Variants in PRRT3 observed in about 807,000 individuals in gnomAD.
The protein encoded by PRRT3 is proline rich transmembrane protein 3.
In PRRT3, 48 loss-of-function variants were observed where a neutral mutation model predicts 56.6. The observed-to-expected ratio is 0.85, with a 90% CI of 0.67 to 1.08. The LOEUF (loss-of-function observed/expected upper bound fraction) is 1.08. Ranked by LOEUF, PRRT3 falls within the 50% of genes least tolerant of loss-of-function variation. The probability of loss-of-function intolerance (pLI) is 0.00; values close to 1 mark genes in which losing one functional copy is unlikely to be tolerated. For missense variants in PRRT3, 1,370 were observed against 1,353.1 expected, an observed-to-expected ratio of 1.01 and a Z score of -0.20; for synonymous variants, 641 against 619.1, an observed-to-expected ratio of 1.04 and a Z score of -0.52.
rs1337423741 is a variant in PRRT3 at position 9,947,370 on chromosome 3, C to T, written c.1803G>A (p.Thr601=). 2 of 1,611,708 alleles carry T rather than the reference C, an allele frequency of 1.2e-6. No homozygotes were observed. Among genetic ancestry groups the T allele is most frequent in the Non-Finnish European group, 1.7e-6 (2 of 1,179,404 alleles). ...LSTWSVLNLL[T]QGLSCAWGAA... is the part of the protein sequence containing the mutation. ...CGCCCCAGGCGCACGACAAGCCCTG[C>T]GTCAGGAGGTTGAGCACAGACCATG... The change falls in exon 4 of 4, where the codon ACG becomes ACA. Residue 601 remains threonine, a synonymous_variant. Coordinates refer to ENST00000412055, the MANE Select transcript of PRRT3 (RefSeq NM_207351.5). The surrounding 1 kb of genome is among the most constrained non-coding windows in gnomAD (Gnocchi z 9.2).
rs1302525565 is a variant in PRRT3 at position 9,946,438 on chromosome 3, A to C, written c.2735T>G (p.Leu912Arg). 2 of 1,593,556 alleles carry C rather than the reference A, an allele frequency of 1.3e-6. No homozygotes were observed. Among genetic ancestry groups the C allele is most frequent in the Non-Finnish European group, 1.7e-6 (2 of 1,170,406 alleles). The change falls in exon 4 of 4, where the codon CTC becomes CGC. Residue 912 changes from leucine (L) to arginine (R), a missense_variant. Physicochemically the swap from Leu to Arg is moderately radical, Grantham distance 102 (BLOSUM62 -2). Coordinates refer to ENST00000412055, the MANE Select transcript of PRRT3 (RefSeq NM_207351.5). This position sits in a 1 kb window ranked among gnomAD's most constrained non-coding sequence, Gnocchi z 4.1. Reference sequence around the variant, plus strand: ...GCGCCAGGGGTTCCAACTGATCTTGAGTGAACCCCTGGAGAAGCTGTCGAG... The same window carrying C: ...GCGCCAGGGGTTCCAACTGATCTTGCGTGAACCCCTGGAGAAGCTGTCGAG... ...SSLDSFSRGS[L>R]KISWNPWRHG...
intron 3 of PRRT3, 193 bp downstream of exon 3, chr3:9,948,565 A>G (rs1030920288): frequency 1.5e-6 from 1 of 650,458 alleles, no homozygotes; most frequent in African/African-American, 1.8e-5. Flanking sequence ...AAAAGGGCAA[A>G]TGACTTCTCC....
chr3:9,948,990 A>T (rs1395735600), intron 2 of PRRT3, 77 bp from the exon 3 acceptor site: 1 of 1,517,550 alleles, frequency 6.6e-7, no homozygotes, highest in Non-Finnish European at 8.8e-7. Context: ...AGTCACAATC[A>T]ACCTCATTTG....
In PRRT3 at chr3:9,949,703, T is replaced by C. The variant is rs1431774571; in HGVS notation, c.413A>G (p.Gln138Arg). Reference sequence around the variant, plus strand: ...TGGGTGGGGAGCCACTGCTTCTTGCTGCAGAAGCTCTTGTGAGTCCAGAGG... The same window carrying C: ...TGGGTGGGGAGCCACTGCTTCTTGCCGCAGAAGCTCTTGTGAGTCCAGAGG... Reference protein sequence around the residue: ...TGPLDSQELLQQEAVAPHPVG... With the variant: ...TGPLDSQELLRQEAVAPHPVG... Residue 138 changes from glutamine (Q) to arginine (R), a missense_variant, in exon 2 of 4, where the codon CAG becomes CGG. Coordinates refer to ENST00000412055, the MANE Select transcript of PRRT3 (RefSeq NM_207351.5). This position sits in a 1 kb window ranked among gnomAD's most constrained non-coding sequence, Gnocchi z 4.5. 1 of 1,614,094 alleles carries C rather than the reference T, an allele frequency of 6.2e-7. No individual in the cohort carries two copies. Among genetic ancestry groups the C allele is most frequent in the Admixed American group, 1.7e-5 (1 of 60,026 alleles).
At chr3:9,948,122 G>A in intron 3 of PRRT3, 121 bp from the exon 4 acceptor site, 2 of 1,058,132 alleles carry the variant, frequency 1.9e-6, no homozygotes, top group African/African-American at 3.3e-5. Flanking sequence ...GGAGATAACA[G>A]CACCTGCCTC....
chr3:9,949,423 T>C lies in PRRT3; in HGVS notation c.693A>G (p.Glu231=), dbSNP rs1363458458. 2.5e-6 allele frequency: 4 copies of C among 1,614,082 alleles called. No individual in the cohort carries two copies. The highest frequency in any genetic ancestry group is 4.5e-5 in the East Asian group (2 of 44,874). The change falls in exon 2 of 4, where the codon GAA becomes GAG. Residue 231 remains glutamate (E), a synonymous_variant. Transcript: ENST00000412055. This position sits in a 1 kb window ranked among gnomAD's most constrained non-coding sequence, Gnocchi z 4.5. ...PVLEGQGGFE[E]HLQEAAQGPH... ...GACCTTGAGCTGCCTCCTGCAAGTG[T>C]TCCTCAAACCCACCCTGTCCTTCCA... is the stretch of plus-strand genomic sequence containing the variant.
rs757459789 is a variant in PRRT3 at position 9,946,421 on chromosome 3, G to C, written c.2752C>G (p.Pro918Ala). ...SRGSLKISWNPWRHGLSSVDS... is the reference protein window; with the variant it reads ...SRGSLKISWNAWRHGLSSVDS... ...ACTGATGACAGCCCGTGGCGCCAGG[G>C]GTTCCAACTGATCTTGAGTGAACCC... Residue 918 changes from proline (P) to alanine (A), a missense_variant, in exon 4 of 4, where the codon CCC (proline) becomes GCC (alanine). Physicochemically the swap from Pro to Ala is conservative, Grantham distance 27. Coordinates refer to ENST00000412055, the MANE Select transcript of PRRT3 (RefSeq NM_207351.5). This position sits in a 1 kb window ranked among gnomAD's most constrained non-coding sequence, Gnocchi z 4.1. 1.2e-6 allele frequency: 2 copies of C among 1,603,900 alleles called. No homozygotes were observed. The highest frequency in any genetic ancestry group is 2.2e-5 in the South Asian group (2 of 89,952).
Position 9,946,725 on chromosome 3 carries a change from G to C in PRRT3, c.2448C>G (p.Ile816Met). ...GGTGCTCGCGGAAGAGCGCGGCGTC[G>C]ATGCTGCGGCTCAGGTTGATGGGCG... Reference protein sequence around the residue: ...PPSPINLSRSIDAALFREHLV... With the variant: ...PPSPINLSRSMDAALFREHLV... Residue 816 changes from isoleucine to methionine, a missense_variant, in exon 4 of 4, where the codon ATC (isoleucine) becomes ATG (methionine). Coordinates refer to ENST00000412055, the MANE Select transcript of PRRT3 (RefSeq NM_207351.5). The surrounding 1 kb of genome is among the most constrained non-coding windows in gnomAD (Gnocchi z 4.1). 1.3e-6 allele frequency: 2 copies of C among 1,496,122 alleles called. No individual in the cohort carries two copies. Among genetic ancestry groups the C allele is most frequent in the South Asian group, 1.3e-5 (1 of 74,868 alleles). The allele number at this position is 1,496,122 out of a possible 1,614,324, so 92.7% of individuals were successfully genotyped here. A position where few individuals can be genotyped will look rare whatever the true frequency, so the allele number is the denominator to read the frequency against.
chr3:9,948,813 T>C lies in PRRT3; in HGVS notation c.1116A>G (p.Ser372=). 1 of 1,613,846 alleles carries C rather than the reference T, an allele frequency of 6.2e-7. No individual in the cohort carries two copies. Among genetic ancestry groups the C allele is most frequent in the Non-Finnish European group, 8.5e-7 (1 of 1,179,914 alleles). The change falls in exon 3 of 4, where the codon TCA becomes TCG. Residue 372 remains serine, a synonymous_variant. Transcript: ENST00000412055. Reference sequence around the variant, plus strand: ...TTCGGTTTACAGCTGGGCCAGGGTCTGAGGGACCAGGGATGAGAGACTTGG... The same window carrying C: ...TTCGGTTTACAGCTGGGCCAGGGTCCGAGGGACCAGGGATGAGAGACTTGG... ...GTPKSLIPGP[S]DPGPAVNRTE...
chr3:9,946,720 G>C lies in PRRT3; in HGVS notation c.2453C>G (p.Ala818Gly), dbSNP rs755384158. ...SPINLSRSID[A>G]ALFREHLVRD... is the part of the protein sequence containing the mutation. ...CACTAGGTGCTCGCGGAAGAGCGCG[G>C]CGTCGATGCTGCGGCTCAGGTTGAT... The change falls in exon 4 of 4, where the codon GCC becomes GGC. Residue 818 changes from alanine (A) to glycine (G), a missense_variant. Ala to Gly is a moderately conservative substitution (Grantham distance 60). Coordinates refer to ENST00000412055, the MANE Select transcript of PRRT3 (RefSeq NM_207351.5). This position sits in a 1 kb window ranked among gnomAD's most constrained non-coding sequence, Gnocchi z 4.1. The C allele has an allele frequency of 6.7e-7, 1 of 1,490,956 alleles. No individual in the cohort carries two copies. The highest frequency in any genetic ancestry group is 2.4e-5 in the East Asian group (1 of 41,774). The allele number at this position is 1,490,956 out of a possible 1,614,324, so 92.4% of individuals were successfully genotyped here.
Position 9,949,786 on chromosome 3 carries a change from G to T in PRRT3, c.330C>A (p.Leu110=), listed in dbSNP as rs1266521584. The change falls in exon 2 of 4, where the codon CTC becomes CTA. Residue 110 remains leucine, a synonymous_variant. Transcript: ENST00000412055. This position sits in a 1 kb window ranked among gnomAD's most constrained non-coding sequence, Gnocchi z 4.5. ...KAAQGAQRER[L]PVTDDLQMAQ... ...CCATCTGGAGGTCATCAGTTACTGG[G>T]AGTCGTTCTCTCTGAGCTCCTTGTG... 5.6e-6 allele frequency: 9 copies of T among 1,614,082 alleles called. No individual in the cohort carries two copies. Among genetic ancestry groups the T allele is most frequent in the African/African-American group, 1.3e-5 (1 of 74,930 alleles).
Position 9,945,954 on chromosome 3 carries a change from C to T in PRRT3, c.*273G>A. 6.0e-6 allele frequency: 2 copies of T among 330,678 alleles called. No individual in the cohort carries two copies. The highest frequency in any genetic ancestry group is 1.1e-5 in the Non-Finnish European group (2 of 180,538). The allele number at this position is 330,678 out of a possible 1,614,324, so 20.5% of individuals were successfully genotyped here. A position where few individuals can be genotyped will look rare whatever the true frequency, so the allele number is the denominator to read the frequency against. On this transcript the variant is annotated 3_prime_UTR_variant, in exon 4 of 4. Transcript: ENST00000412055. ...GTTCAAGCAATTCTCCCGCCTCAGC[C>T]TCCCGAGTAGCTGGGACTACAGGCG...
Position 9,946,802 on chromosome 3 carries a change from TG to T in PRRT3, c.2370del (p.Asn791ThrfsTer9). On this transcript the variant is annotated frameshift_variant, in exon 4 of 4. Transcript: ENST00000412055. LOFTEE classifies it high-confidence loss of function. This position sits in a 1 kb window ranked among gnomAD's most constrained non-coding sequence, Gnocchi z 4.1. ...AGCGATGGCGCCGGTCCCACACCGTTGCGGGACAGTCCCGGGCCACCCTGGG... is the reference window on the plus strand; with the variant it reads ...AGCGATGGCGCCGGTCCCACACCGTTCGGGACAGTCCCGGGCCACCCTGGG... ...RGPQGGPGLS[R>X]NGVGPAPSLS... 6.4e-7 allele frequency: 1 copy of T among 1,550,700 alleles called. No homozygotes were observed. The highest frequency in any genetic ancestry group is 8.7e-7 in the Non-Finnish European group (1 of 1,155,908).
rs968463446 is a variant in PRRT3, at chr3:9,949,681, G to T, written c.435C>A (p.His145Gln). The change falls in exon 2 of 4, where the codon CAC (histidine) becomes CAA (glutamine). Residue 145 changes from histidine to glutamine, a missense_variant. Physicochemically the swap from His to Gln is conservative, Grantham distance 24. Coordinates refer to ENST00000412055, the MANE Select transcript of PRRT3 (RefSeq NM_207351.5). The surrounding 1 kb of genome is among the most constrained non-coding windows in gnomAD (Gnocchi z 4.5). ...AAGTGAGATGAGGGTGGCCCACTGG[G>T]TGGGGAGCCACTGCTTCTTGCTGCA... ...ELLQQEAVAPHPVGHPHLTFI... is the reference protein window; with the variant it reads ...ELLQQEAVAPQPVGHPHLTFI... 3 of 1,614,138 alleles carry T rather than the reference G, an allele frequency of 1.9e-6. No individual in the cohort carries two copies. In the South Asian group the frequency reaches 3.3e-5, roughly 18 times the overall value.
In PRRT3 at chr3:9,949,576, C is replaced by T. The variant is rs1262438259; in HGVS notation, c.540G>A (p.Gln180=). ...PSLQHEGQEG[Q]WPPRDEGLKA... is the part of the protein sequence containing the mutation. ...TCAGACCCTCATCTCTAGGTGGCCA[C>T]TGTCCCTCTTGGCCTTCATGCTGCA... Residue 180 remains glutamine (Q), a synonymous_variant, in exon 2 of 4, where the codon CAG becomes CAA. Transcript: ENST00000412055. The surrounding 1 kb of genome is among the most constrained non-coding windows in gnomAD (Gnocchi z 4.5). 1 of 1,614,150 alleles carries T rather than the reference C, an allele frequency of 6.2e-7. No homozygotes were observed. Among genetic ancestry groups the T allele is most frequent in the Admixed American group, 1.7e-5 (1 of 60,028 alleles).
chr3:9,949,993 C>A lies in PRRT3; in HGVS notation c.123G>T (p.Met41Ile). 1 of 1,543,550 alleles carries A rather than the reference C, an allele frequency of 6.5e-7. No individual in the cohort carries two copies. Among genetic ancestry groups the A allele is most frequent in the Non-Finnish European group, 8.7e-7 (1 of 1,148,522 alleles). ...PRPLENSEIPMIPGAHPKGSV... is the reference protein window; with the variant it reads ...PRPLENSEIPIIPGAHPKGSV... ...AGCCCTTGGGGTGGGCTCCAGGGAT[C>A]ATAGGGATTTCGGAGTTTTCAAGTG... The change falls in exon 2 of 4, where the codon ATG (methionine) becomes ATT (isoleucine). Residue 41 changes from methionine to isoleucine, a missense_variant. Transcript: ENST00000412055. The surrounding 1 kb of genome is among the most constrained non-coding windows in gnomAD (Gnocchi z 4.5).
At chr3:9,950,478 G>A (rs1292306808) in intron 1 of PRRT3, among the ~76,000 whole-genome samples, 1 of 152,208 alleles carries the variant, frequency 6.6e-6, no homozygotes, top group African/African-American at 2.4e-5. Flanking sequence ...AGCAGGGAAT[G>A]CTCTCTCCCT....
In PRRT3 at chr3:9,946,452, G is replaced by A. The variant is rs1011489644; in HGVS notation, c.2721C>T (p.Phe907=). The A allele has an allele frequency of 4.1e-5, 65 of 1,578,122 alleles. No individual in the cohort carries two copies. The highest frequency in any genetic ancestry group is 5.5e-5 in the Non-Finnish European group (64 of 1,162,590). Residue 907 remains phenylalanine, a synonymous_variant, in exon 4 of 4, where the codon TTC becomes TTT. Coordinates refer to ENST00000412055, the MANE Select transcript of PRRT3 (RefSeq NM_207351.5). The surrounding 1 kb of genome is among the most constrained non-coding windows in gnomAD (Gnocchi z 4.1). ...AAASGSSLDS[F]SRGSLKISWN... ...AACTGATCTTGAGTGAACCCCTGGA[G>A]AAGCTGTCGAGGGAGCTGCCAGAAG...
Position 9,949,382 on chromosome 3 carries a change from T to C in PRRT3, c.734A>G (p.Gln245Arg). 6.2e-7 allele frequency: 1 copy of C among 1,614,184 alleles called. No homozygotes were observed. The highest frequency in any genetic ancestry group is 8.5e-7 in the Non-Finnish European group (1 of 1,180,034). The change falls in exon 2 of 4, where the codon CAG (glutamine) becomes CGG (arginine). Residue 245 changes from glutamine (Q) to arginine (R), a missense_variant. Transcript: ENST00000412055. This position sits in a 1 kb window ranked among gnomAD's most constrained non-coding sequence, Gnocchi z 4.5. ...EAAQGPHFTQ[Q>R]DPAAPDVGSV... ...GCCAACATCAGGGGCTGCTGGATCCTGCTGGGTGAAGTGGGGACCTTGAGC... is the reference window on the plus strand; with the variant it reads ...GCCAACATCAGGGGCTGCTGGATCCCGCTGGGTGAAGTGGGGACCTTGAGC...
Sources: allele counts gnomAD v4.1 joint callset (sites outside exome capture counted in the v4.1 genomes callset), GRCh38; gene constraint gnomAD v4.1.1; non-coding constraint Gnocchi (gnomAD v3.1); transcripts MANE v1.5; gene names NCBI Gene and HGNC (gene_info 2026-07-23, HGNC 2026-07-21).